The following THRB variants were observed in gnomAD, a reference collection of about 807,000 sequenced individuals.
THRB encodes the protein nuclear receptor subfamily 1 group A member 2.
THRB carries 12 observed loss-of-function variants against 47.8 expected under a neutral mutation model. That is an observed-to-expected ratio of 0.25 (90% CI 0.16 to 0.41). The LOEUF (loss-of-function observed/expected upper bound fraction) is 0.41, where lower values mean the gene tolerates loss of function less well. Among genes scored for constraint, THRB ranks in the 10% least tolerant of loss-of-function variants. THRB has a pLI of 1.00. For synonymous variants in THRB, 218 were observed against 212.2 expected (o/e 1.03, Z -0.24); for missense variants, 348 against 589.2 (o/e 0.59, Z 4.24).
chr3:24,348,133 C>T (rs73041663), intron 1 of THRB, among the ~76,000 whole-genome samples: 1,986 of 152,224 alleles, frequency 0.013, 19 homozygotes, highest in South Asian at 0.026. Context: ...AAGGATAACA[C>T]GTTAACGCAA....
chr3:24,126,135 A>G (rs2032749538), intron 10 of THRB, among the ~76,000 whole-genome samples: 1 of 152,178 alleles, frequency 6.6e-6, no homozygotes, highest in African/African-American at 2.4e-5. Context: ...GCTCATGCCT[A>G]TAATCCCAGC....
At position 24,128,895 on chromosome 3, in the gene THRB, G is replaced by C. The variant is rs148649610; in HGVS notation, c.886-1138C>G. ...TTTTTTTTTTTTTTTTTTTTACCAT[G>C]GATATGACTAAGTTTCCATAAACAA... On this transcript the variant is annotated intron_variant, in intron 9 of 10. Coordinates refer to ENST00000646209, the MANE Select transcript of THRB (RefSeq NM_001354712.2). 1.7e-4 allele frequency among the ~76,000 whole-genome samples: 12 copies of C among 71,808 alleles called. No homozygotes were observed. The East Asian group carries it at 0.011, about 64-fold the overall frequency. 47.1% of individuals were successfully genotyped at this position (71,808 alleles called of 152,430 possible). A position where few individuals can be genotyped will look rare whatever the true frequency, so the allele number is the denominator to read the frequency against.
intron 8 of THRB, among the ~76,000 whole-genome samples, chr3:24,137,404 G>A (rs1013268719): frequency 2.6e-5 from 4 of 152,214 alleles, no homozygotes; most frequent in African/African-American, 7.2e-5. Context: ...ACATGTATTC[G>A]TGGAAGAATT....
intron 3 of THRB, among the ~76,000 whole-genome samples, chr3:24,282,769 C>T (rs1370040436): frequency 6.7e-6 from 1 of 149,948 alleles, no homozygotes; most frequent in Non-Finnish European, 1.5e-5. Flanking sequence ...ACCGATCCCA[C>T]AGAAATACAA....
At chr3:24,309,745 G>T (rs2057618969) in intron 2 of THRB, among the ~76,000 whole-genome samples, 1 of 152,092 alleles carries the variant, frequency 6.6e-6, no homozygotes, top group Non-Finnish European at 1.5e-5. Flanking sequence ...GATCCATTAA[G>T]CATTTCAAGG....
chr3:24,213,878 C>G (rs1474627776), intron 4 of THRB, among the ~76,000 whole-genome samples: 1 of 152,146 alleles, frequency 6.6e-6, no homozygotes, highest in Non-Finnish European at 1.5e-5. Context: ...AAGACAGCTG[C>G]ATTTGTTCCC....
At chr3:24,416,728 G>C (rs1411253096) in intron 1 of THRB, among the ~76,000 whole-genome samples, 1 of 151,756 alleles carries the variant, frequency 6.6e-6, no homozygotes. Flanking sequence ...CTGATACTTA[G>C]AGCACTTGGA....
chr3:24,221,644 A>G (rs1227751910), intron 4 of THRB, among the ~76,000 whole-genome samples: 1 of 152,136 alleles, frequency 6.6e-6, no homozygotes, highest in Non-Finnish European at 1.5e-5. Flanking sequence ...GGTTGCTGAG[A>G]AAGAATTTTT....
chr3:24,129,293 C>T (rs1037056038), intron 9 of THRB, among the ~76,000 whole-genome samples: 2 of 152,120 alleles, frequency 1.3e-5, no homozygotes, highest in Non-Finnish European at 2.9e-5. Context: ...TGCATTTCCC[C>T]CAAGTTCCCA....
intron 3 of THRB, among the ~76,000 whole-genome samples, chr3:24,250,290 G>T (rs984271640): frequency 6.6e-6 from 1 of 152,136 alleles, no homozygotes; most frequent in Non-Finnish European, 1.5e-5. Context: ...ATAGCTCGCA[G>T]GTAGTATTGA....
At chr3:24,427,086 G>C (rs1404303256) in intron 1 of THRB, among the ~76,000 whole-genome samples, 1 of 151,962 alleles carries the variant, frequency 6.6e-6, no homozygotes, top group Non-Finnish European at 1.5e-5. Flanking sequence ...ACATGTGAGA[G>C]ACAAGACAAG....
At chr3:24,206,377 T>C (rs896270170) in intron 4 of THRB, among the ~76,000 whole-genome samples, 1,859 of 152,266 alleles carry the variant, frequency 0.012, 39 homozygotes, top group African/African-American at 0.043. Context: ...ACATGGAAAC[T>C]GAACAACCTG....
rs191123681 is a variant in THRB at position 24,297,844 on chromosome 3, T to G, written c.-188-473A>C. Reference sequence around the variant, plus strand: ...GGTTTGGACCCAGCCCATAATGCATTTTAAATGCCTCAGGTGATTCCAACT... The same window carrying G: ...GGTTTGGACCCAGCCCATAATGCATGTTAAATGCCTCAGGTGATTCCAACT... On this transcript the variant is annotated intron_variant, in intron 2 of 10. Coordinates refer to ENST00000646209, the MANE Select transcript of THRB (RefSeq NM_001354712.2). Among the ~76,000 whole-genome samples, 13 of 152,308 alleles carry G rather than the reference T, an allele frequency of 8.5e-5. No homozygotes were observed. The East Asian group carries it at 2.5e-3, about 29-fold the overall frequency.
chr3:24,387,231 T>C lies in THRB; in HGVS notation c.-260-49860A>G, dbSNP rs138081123. Among the ~76,000 whole-genome samples, 1,433 of 152,258 alleles carry C rather than the reference T, an allele frequency of 9.4e-3. 31 individuals carry two copies. Among genetic ancestry groups the C allele is most frequent in the African/African-American group, 0.033 (1,358 of 41,558 alleles). On this transcript the variant is annotated intron_variant, in intron 1 of 10. Transcript: ENST00000646209. ...GTCTACCCAGTGCTTTGCATTTTTT[T>C]CCCCTCAGTTATGCCATCATTCATT...
chr3:24,151,040 T>G (rs1031479645), intron 6 of THRB, among the ~76,000 whole-genome samples: 1 of 152,198 alleles, frequency 6.6e-6, no homozygotes, highest in African/African-American at 2.4e-5. Context: ...CCCTAAGACA[T>G]TATTTTCATA....
At chr3:24,266,274 A>G (rs1487759979) in intron 3 of THRB, among the ~76,000 whole-genome samples, 9 of 152,190 alleles carry the variant, frequency 5.9e-5, no homozygotes, top group Non-Finnish European at 1.2e-4. Context: ...CCAAGAAAGG[A>G]GTGTAACGCC....
intron 1 of THRB, among the ~76,000 whole-genome samples, chr3:24,366,165 C>T (rs1046016754): frequency 1.3e-5 from 2 of 152,128 alleles, no homozygotes; most frequent in African/African-American, 4.8e-5. Context: ...TACCCAGTTC[C>T]AGTTTTTGGC....
intron 3 of THRB, among the ~76,000 whole-genome samples, chr3:24,284,070 GA>G (rs1183666611): frequency 1.4e-5 from 2 of 140,416 alleles, no homozygotes; most frequent in Admixed American, 7.1e-5. Context: ...CACAGAATTG[GA>G]AAAAACTACT....
At chr3:24,417,804 C>G (rs1205578524) in intron 1 of THRB, among the ~76,000 whole-genome samples, 1 of 151,866 alleles carries the variant, frequency 6.6e-6, no homozygotes, top group African/African-American at 2.4e-5. Context: ...ATTCTCATCA[C>G]CACTTGTGCC....
Sources: gnomAD v4.1 joint callset for allele counts (sites outside exome capture counted in the v4.1 genomes callset) on GRCh38, gnomAD v4.1.1 for gene constraint, MANE v1.5 for transcripts, NCBI Gene and HGNC (gene_info 2026-07-23, HGNC 2026-07-21) for gene names.